The following MAST4 variants were observed in gnomAD, a reference collection of about 807,000 sequenced individuals.
The protein encoded by MAST4 is microtubule associated serine/threonine kinase family member 4.
Under a neutral mutation model 162.7 loss-of-function variants are expected in MAST4, and 89 were observed. That is an observed-to-expected ratio of 0.55 (90% CI 0.46 to 0.65). The LOEUF (loss-of-function observed/expected upper bound fraction) is 0.65, where lower values mean the gene tolerates loss of function less well. Among genes scored for constraint, MAST4 ranks in the 30% least tolerant of loss-of-function variants. The pLI is 0.00. For missense variants in MAST4, 3,153 were observed against 3,374.0 expected (o/e 0.93, Z 1.62); for synonymous variants, 1,479 against 1,361.1 (o/e 1.09, Z -1.91).
chr5:67,155,810 C>T (rs2151092366), intron 26 of MAST4, among the ~76,000 whole-genome samples: 1 of 152,196 alleles, frequency 6.6e-6, no homozygotes, highest in East Asian at 1.9e-4. Context: ...ACCCGTAATC[C>T]CAGCACTTTG....
chr5:66,841,865 A>C (rs1225153627), intron 3 of MAST4, among the ~76,000 whole-genome samples: 1 of 151,986 alleles, frequency 6.6e-6, no homozygotes, highest in Non-Finnish European at 1.5e-5. Context: ...TTATTTACTC[A>C]TTTCTTTAAG....
chr5:66,730,412 A>C (rs376009219), intron 1 of MAST4, among the ~76,000 whole-genome samples: 3 of 152,070 alleles, frequency 2.0e-5, no homozygotes, highest in Non-Finnish European at 4.4e-5. Flanking sequence ...GATGGGATTT[A>C]CTCATTTAAA....
intron 1 of MAST4, among the ~76,000 whole-genome samples, chr5:66,704,491 TC>T (rs1749986343): frequency 7.7e-6 from 1 of 129,820 alleles, no homozygotes; most frequent in Admixed American, 7.5e-5. Context: ...TGCTTGTTGT[TC>T]TTTTTTTTTT....
At chr5:66,939,527 T>G (rs1276328315) in intron 4 of MAST4, among the ~76,000 whole-genome samples, 2 of 152,190 alleles carry the variant, frequency 1.3e-5, no homozygotes, top group African/African-American at 4.8e-5. Context: ...TAGTTAGTTA[T>G]TCTTTTCTGA....
At chr5:66,878,162 G>A (rs1049279691) in intron 3 of MAST4, among the ~76,000 whole-genome samples, 17 of 152,170 alleles carry the variant, frequency 1.1e-4, no homozygotes, top group African/African-American at 3.9e-4. Context: ...GGATCATAAG[G>A]AAGACCTTGC....
chr5:66,635,975 T>TTTTTTTC (rs1386965157), intron 1 of MAST4, among the ~76,000 whole-genome samples: 8 of 113,512 alleles, frequency 7.0e-5, no homozygotes, highest in African/African-American at 2.7e-4. Flanking sequence ...TTTTTTTTTT[T>TTTTTTTC]CGAGACAGAG....
chr5:66,978,616 G>A (rs74870041), intron 4 of MAST4, among the ~76,000 whole-genome samples: 433 of 152,228 alleles, frequency 2.8e-3, no homozygotes, highest in African/African-American at 9.9e-3. Flanking sequence ...AGTTTGATTC[G>A]GGGCTAAGTA....
chr5:67,118,815 T>C, intron 13 of MAST4, 66 bp downstream of exon 13: 1 of 919,364 alleles, frequency 1.1e-6, no homozygotes, highest in Non-Finnish European at 1.7e-6. Context: ...ACTTTGGCTA[T>C]GTTAGTTTAT....
chr5:66,838,505 G>A (rs1441423305), intron 3 of MAST4, among the ~76,000 whole-genome samples: 6 of 152,182 alleles, frequency 3.9e-5, no homozygotes, highest in Non-Finnish European at 7.3e-5. Flanking sequence ...GTACAAAAAT[G>A]AGTGGAATAT....
chr5:66,788,128 A>G (rs531859822), intron 2 of MAST4, among the ~76,000 whole-genome samples: 1 of 152,350 alleles, frequency 6.6e-6, no homozygotes, highest in South Asian at 2.1e-4. Context: ...GGATATGATT[A>G]TGTATCCCAC....
At chr5:66,633,466 C>T (rs2149424430) in intron 1 of MAST4, among the ~76,000 whole-genome samples, 1 of 152,208 alleles carries the variant, frequency 6.6e-6, no homozygotes, top group Admixed American at 6.5e-5. Flanking sequence ...GGAGACTGGT[C>T]TGCAGGTTAT....
chr5:66,781,657 C>T (rs1382128211), intron 2 of MAST4, among the ~76,000 whole-genome samples: 1 of 152,128 alleles, frequency 6.6e-6, no homozygotes, highest in African/African-American at 2.4e-5. Context: ...CAGAGTTCTC[C>T]TCTATGACTG....
At chr5:66,721,287 G>C (rs1377273059) in intron 1 of MAST4, among the ~76,000 whole-genome samples, 1 of 151,986 alleles carries the variant, frequency 6.6e-6, no homozygotes, top group Non-Finnish European at 1.5e-5. Context: ...GCTCTCTCTT[G>C]AACCCAGACT....
chr5:67,125,874 G>A (rs1303912282), intron 14 of MAST4, among the ~76,000 whole-genome samples: 1 of 152,180 alleles, frequency 6.6e-6, no homozygotes, highest in Admixed American at 6.5e-5. Flanking sequence ...CACCAACAGT[G>A]TAAAAACATT....
chr5:67,133,264 T>C (rs569003022), intron 16 of MAST4, among the ~76,000 whole-genome samples: 8 of 152,060 alleles, frequency 5.3e-5, no homozygotes, highest in Non-Finnish European at 7.4e-5. Context: ...TAAATGATAT[T>C]GTATGTGGCT....
chr5:67,013,515 A>G (rs1299612310), intron 4 of MAST4, among the ~76,000 whole-genome samples: 3 of 152,196 alleles, frequency 2.0e-5, no homozygotes, highest in African/African-American at 7.2e-5. Context: ...GCTTTATTCT[A>G]TCTAATTTTA....
intron 1 of MAST4, among the ~76,000 whole-genome samples, chr5:66,624,074 TTGA>T (rs1464164745): frequency 1.3e-5 from 2 of 151,650 alleles, no homozygotes; most frequent in East Asian, 3.9e-4. Context: ...TTATAAAATA[TTGA>T]TGAAGGAAAT....
chr5:66,658,839 T>G (rs1746717155), intron 1 of MAST4, among the ~76,000 whole-genome samples: 1 of 152,050 alleles, frequency 6.6e-6, no homozygotes, highest in Admixed American at 6.5e-5. Context: ...CTGAGCAACA[T>G]GGTGAGACCT....
chr5:66,924,362 T>A (rs1353954917), intron 4 of MAST4, among the ~76,000 whole-genome samples: 1 of 152,160 alleles, frequency 6.6e-6, no homozygotes, highest in East Asian at 1.9e-4. Context: ...ATTTATAATA[T>A]TTTAATATGA....
Sources: gnomAD v4.1 joint callset for allele counts (sites outside exome capture counted in the v4.1 genomes callset) on GRCh38, gnomAD v4.1.1 for gene constraint, MANE v1.5 for transcripts, NCBI Gene and HGNC (gene_info 2026-07-23, HGNC 2026-07-21) for gene names.